Variants in ADD2 observed in about 807,000 individuals in gnomAD.
The protein encoded by ADD2 is adducin 2.
ADD2 carries 23 observed loss-of-function variants against 83.0 expected under a neutral mutation model. The observed-to-expected ratio is 0.28, with a 90% confidence interval of 0.20 to 0.39. The LOEUF (loss-of-function observed/expected upper bound fraction) is 0.39, where lower values mean the gene tolerates loss of function less well. Ranked by LOEUF, ADD2 falls within the 10% of genes least tolerant of loss-of-function variation. ADD2 has a pLI of 1.00. For synonymous variants in ADD2, 375 were observed against 375.4 expected, an observed-to-expected ratio of 1.00 and a Z score of 0.01; for missense variants, 758 against 944.9, an observed-to-expected ratio of 0.80 and a Z score of 2.59.
At chr2:70,674,891 T>C in intron 13 of ADD2, 66 bp from the exon 14 acceptor site, 1 of 1,552,722 alleles carries the variant, frequency 6.4e-7, no homozygotes, top group African/African-American at 1.4e-5. Flanking sequence ...GGCCCCAGCT[T>C]CCTTTTAGAT....
At chr2:70,740,067 A>G (rs1334286851) in intron 1 of ADD2, among the ~76,000 whole-genome samples, 2 of 152,228 alleles carry the variant, frequency 1.3e-5, no homozygotes, top group African/African-American at 4.8e-5. Flanking sequence ...TTAGATCAAT[A>G]AATATGCACC....
Position 70,674,796 on chromosome 2 carries a change from T to G in ADD2, c.1623A>C (p.Gly541=). The G allele has an allele frequency of 6.2e-7, 1 of 1,614,084 alleles. No individual in the cohort carries two copies. The highest frequency in any genetic ancestry group is 8.5e-7 in the Non-Finnish European group (1 of 1,179,990). Residue 541 remains glycine (G), a synonymous_variant, in exon 14 of 16, where the codon GGA becomes GGC. Coordinates refer to ENST00000264436, the MANE Select transcript of ADD2 (RefSeq NM_001617.4). The part of the protein sequence containing the change: ...PSTESQLMSK[G]DEDTKDDSEE... ...CTGAATCGTCTTTGGTATCCTCGTC[T>G]CCCTTGGACATCAGCTGGCTCTCTG...
chr2:70,767,659 G>C, intron 1 of ADD2: 1 of 1,365,866 alleles, frequency 7.3e-7, no homozygotes, highest in Non-Finnish European at 9.4e-7. Context: ...AGGGGCCAGT[G>C]CTTGCAGCCC....
chr2:70,704,263 T>TGGCCCCCCCCC, intron 4 of ADD2, 58 bp downstream of exon 4: 26 of 913,228 alleles, frequency 2.8e-5, no homozygotes, highest in Non-Finnish European at 3.9e-5. Context: ...CTCCCTCTCT[T>TGGCCCCCCCCC]CCCCACCCCA....
rs577609080 is a variant in ADD2 at position 70,735,926 on chromosome 2, C to A, written c.-153-22742G>T. ...CCATGTTGGCCAGGCTGGTTTTGAACCCCTGACCTCAAATAATCTGCCTGC... is the reference window on the plus strand; with the variant it reads ...CCATGTTGGCCAGGCTGGTTTTGAAACCCTGACCTCAAATAATCTGCCTGC... On this transcript the variant is annotated intron_variant, in intron 1 of 15. Transcript: ENST00000264436. Among the ~76,000 whole-genome samples the A allele has an allele frequency of 1.4e-3, 190 of 136,986 alleles. 2 individuals are homozygous for A. The highest frequency in any genetic ancestry group is 5.1e-3 in the African/African-American group (185 of 36,028). The allele number at this position is 136,986 out of a possible 152,430, so 89.9% of individuals were successfully genotyped here.
chr2:70,706,384 C>T lies in ADD2; in HGVS notation c.25G>A (p.Ala9Thr). 1 of 1,609,734 alleles carries T rather than the reference C, an allele frequency of 6.2e-7. No individual in the cohort carries two copies. The highest frequency in any genetic ancestry group is 8.5e-7 in the Non-Finnish European group (1 of 1,178,218). Residue 9 changes from alanine to threonine, a missense_variant, in exon 3 of 16, where the codon GCT becomes ACT. This residue lies in a region of ADD2 where 175 missense variants were observed against 192.1 expected (regional missense o/e 0.91). Transcript: ENST00000264436. The surrounding 1 kb of genome is among the most constrained non-coding windows in gnomAD (Gnocchi z 5.0). MSEETVPEAASPPPPQGQP... is the reference protein window; with the variant it reads MSEETVPETASPPPPQGQP... ...CCCTGCGGGGGCGGCGGCGAGGCAGCCTCGGGGACCGTCTCTTCGCTCATT... is the reference window on the plus strand; with the variant it reads ...CCCTGCGGGGGCGGCGGCGAGGCAGTCTCGGGGACCGTCTCTTCGCTCATT...
chr2:70,706,584 G>A lies in ADD2; in HGVS notation c.-34-142C>T. On this transcript the variant is annotated intron_variant, in intron 2 of 15. Transcript: ENST00000264436. The surrounding 1 kb of genome is among the most constrained non-coding windows in gnomAD (Gnocchi z 5.0). ...GATGGTAGAGGCAGAGCCTGGGGAG[G>A]AGGGCAGGACGCCAGCAGCGGCCCC... 1 of 762,530 alleles carries A rather than the reference G, an allele frequency of 1.3e-6. No individual in the cohort carries two copies. Among genetic ancestry groups the A allele is most frequent in the African/African-American group, 1.7e-5 (1 of 57,150 alleles). 47.2% of individuals were successfully genotyped at this position (762,530 alleles called of 1,614,324 possible). A position where few individuals can be genotyped will look rare whatever the true frequency, so the allele number is the denominator to read the frequency against.
At chr2:70,736,734 T>C (rs1001871219) in intron 1 of ADD2, among the ~76,000 whole-genome samples, 2 of 152,088 alleles carry the variant, frequency 1.3e-5, no homozygotes, top group Admixed American at 6.5e-5. Context: ...CCTCACACTG[T>C]ATTGGACATA....
intron 10 of ADD2, among the ~76,000 whole-genome samples, chr2:70,681,603 G>A (rs1423918565): frequency 2.6e-5 from 4 of 152,036 alleles, no homozygotes; most frequent in Non-Finnish European, 5.9e-5. Context: ...AACTGAATTT[G>A]CTTGTGCAAT....
At chr2:70,760,719 G>A (rs1182855427) in intron 1 of ADD2, 5 of 152,116 alleles carry the variant, frequency 3.3e-5, no homozygotes, top group African/African-American at 9.7e-5. Flanking sequence ...GTGGTCACAC[G>A]GGCATTCACT....
At chr2:70,725,991 T>C (rs1672976312) in intron 1 of ADD2, among the ~76,000 whole-genome samples, 1 of 151,434 alleles carries the variant, frequency 6.6e-6, no homozygotes, top group South Asian at 2.1e-4. Context: ...ATCGAGACCA[T>C]CCCGGCTAAA....
Position 70,676,596 on chromosome 2 carries a change from G to C in ADD2, c.1593+200C>G. The C allele has an allele frequency of 7.0e-7, 1 of 1,434,308 alleles. No individual in the cohort carries two copies. Among genetic ancestry groups the C allele is most frequent in the East Asian group, 2.5e-5 (1 of 39,300 alleles). 88.8% of individuals were successfully genotyped at this position (1,434,308 alleles called of 1,614,324 possible). ...CTGTTCTCCAGCCCAGTGCCCACAG[G>C]GGCCATCAGACATTGTCCTCCCTGG... is the stretch of plus-strand genomic sequence containing the variant. On this transcript the variant is annotated intron_variant, in intron 13 of 15. Coordinates refer to ENST00000264436, the MANE Select transcript of ADD2 (RefSeq NM_001617.4). The surrounding 1 kb of genome is among the most constrained non-coding windows in gnomAD (Gnocchi z 4.8).
At chr2:70,675,797 C>T in intron 13 of ADD2, 1 of 985,342 alleles carries the variant, frequency 1.0e-6, no homozygotes, top group African/African-American at 1.7e-5. Flanking sequence ...GACCAAAAAC[C>T]CAAGAAGAGG....
intron 1 of ADD2, among the ~76,000 whole-genome samples, chr2:70,715,607 A>G (rs574322945): frequency 3.3e-5 from 5 of 152,154 alleles, no homozygotes; most frequent in African/African-American, 1.2e-4. Flanking sequence ...AGGGCAGTAC[A>G]TTCTAGTCCT....
At chr2:70,670,444 C>T (rs1224170115) in intron 15 of ADD2, among the ~76,000 whole-genome samples, 10 of 152,132 alleles carry the variant, frequency 6.6e-5, no homozygotes, top group African/African-American at 2.4e-4. Flanking sequence ...TCTTTGCAGG[C>T]GTAGCCAGTT....
At chr2:70,720,167 G>T (rs567393495) in intron 1 of ADD2, among the ~76,000 whole-genome samples, 25 of 152,254 alleles carry the variant, frequency 1.6e-4, no homozygotes, top group African/African-American at 5.5e-4. Context: ...ATCTAAACTG[G>T]AGGGTAATCC....
At chr2:70,749,645 TTC>T (rs1674408729) in intron 1 of ADD2, among the ~76,000 whole-genome samples, 1 of 152,230 alleles carries the variant, frequency 6.6e-6, no homozygotes, top group Non-Finnish European at 1.5e-5. Flanking sequence ...TTCTGGGAAT[TTC>T]TGAGAAAGTC....
At chr2:70,731,034 C>T (rs12621522) in intron 1 of ADD2, among the ~76,000 whole-genome samples, 39,696 of 152,058 alleles carry the variant, frequency 0.26, 5,718 homozygotes, top group East Asian at 0.57. Flanking sequence ...TACATCAATG[C>T]GGCCAAATGA....
At chr2:70,700,268 G>A (rs528748618) in intron 4 of ADD2, among the ~76,000 whole-genome samples, 1 of 152,066 alleles carries the variant, frequency 6.6e-6, no homozygotes, top group African/African-American at 2.4e-5. Context: ...TAAACATAAT[G>A]CAATAAAATC....
Sources: allele counts gnomAD v4.1 joint callset (sites outside exome capture counted in the v4.1 genomes callset), GRCh38; gene constraint gnomAD v4.1.1; regional missense constraint gnomAD v4.1.1; non-coding constraint Gnocchi (gnomAD v3.1); transcripts MANE v1.5; gene names NCBI Gene and HGNC (gene_info 2026-07-23, HGNC 2026-07-21).